GRM8: variants seen among roughly 807,000 people sequenced by gnomAD.
GRM8 encodes glutamate metabotropic receptor 8, also known as metabotropic glutamate receptor 8.
A neutral mutation model predicts 87.2 loss-of-function variants in GRM8; 47 were observed. The ratio of observed to expected loss-of-function variants is 0.54; its 90% CI spans 0.43 to 0.69. GRM8 has a LOEUF of 0.69. Ranked by LOEUF, GRM8 falls within the 30% of genes least tolerant of loss-of-function variation. The probability of loss-of-function intolerance (pLI) is 0.00; values close to 1 mark genes in which losing one functional copy is unlikely to be tolerated. For missense variants in GRM8, 1,019 were observed against 1,139.2 expected, an observed-to-expected ratio of 0.89 and a Z score of 1.52; for synonymous variants, 396 against 404.5, an observed-to-expected ratio of 0.98 and a Z score of 0.25.
chr7:127,211,833 A>ATTT (rs1796227902), intron 2 of GRM8, among the ~76,000 whole-genome samples: 1 of 152,174 alleles, frequency 6.6e-6, no homozygotes, highest in Non-Finnish European at 1.5e-5. Context: ...CTGAGAAATA[A>ATTT]TTTTCTATCA....
intron 6 of GRM8, among the ~76,000 whole-genome samples, chr7:126,851,000 G>A (rs1797161049): frequency 6.6e-6 from 1 of 151,974 alleles, no homozygotes; most frequent in South Asian, 2.1e-4. Flanking sequence ...GCCATGAATG[G>A]CCATGACAGC....
intron 3 of GRM8, among the ~76,000 whole-genome samples, chr7:127,016,236 A>G (rs1457633633): frequency 6.6e-6 from 1 of 152,064 alleles, no homozygotes; most frequent in African/African-American, 2.4e-5. Context: ...GTGGTCTCTG[A>G]TCTCCTTTTT....
intron 6 of GRM8, among the ~76,000 whole-genome samples, chr7:126,849,462 A>C (rs574027722): frequency 4.6e-5 from 7 of 152,162 alleles, no homozygotes; most frequent in Admixed American, 1.3e-4. Context: ...CATCTCCTAC[A>C]TTTCCTATTA....
intron 2 of GRM8, among the ~76,000 whole-genome samples, chr7:127,189,971 G>C (rs1182172313): frequency 1.3e-5 from 2 of 152,218 alleles, no homozygotes; most frequent in African/African-American, 2.4e-5. Flanking sequence ...AACCTCAGTA[G>C]CATTCAGCAA....
intron 3 of GRM8, among the ~76,000 whole-genome samples, chr7:127,048,026 C>A (rs1211841092): frequency 1.3e-5 from 2 of 152,012 alleles, no homozygotes; most frequent in African/African-American, 4.8e-5. Context: ...TTCTAGGTGT[C>A]TGAAATATAA....
intron 3 of GRM8, among the ~76,000 whole-genome samples, chr7:126,933,849 C>T (rs1408550982): frequency 6.6e-6 from 1 of 152,180 alleles, no homozygotes; most frequent in Non-Finnish European, 1.5e-5. Context: ...TCTCTATCAC[C>T]TCTCTGGGAC....
intron 6 of GRM8, among the ~76,000 whole-genome samples, chr7:126,865,843 G>A (rs577900513): frequency 1.2e-4 from 18 of 152,162 alleles, no homozygotes; most frequent in Middle Eastern, 6.8e-3. Context: ...ATGGATATTC[G>A]ACTTGTTTCC....
rs544072725 is a variant in GRM8 at position 127,115,190 on chromosome 7, C to A, written c.511-8478G>T. Among the ~76,000 whole-genome samples, 3 of 152,284 alleles carry A rather than the reference C, an allele frequency of 2.0e-5. No individual in the cohort carries two copies. The South Asian group carries it at 6.2e-4, about 32-fold the overall frequency. On this transcript the variant is annotated intron_variant, in intron 2 of 10. Transcript: ENST00000339582. The stretch of plus-strand genomic sequence containing the variant: ...GAAGCCAGAGAGCAAGAGAACTTGA[C>A]TTTGCCTGCACAAAGGAACCTTCCA...
intron 3 of GRM8, among the ~76,000 whole-genome samples, chr7:126,913,482 T>C (rs1803531123): frequency 6.6e-6 from 1 of 152,210 alleles, no homozygotes; most frequent in African/African-American, 2.4e-5. Flanking sequence ...TTTGATCTAA[T>C]AAAAATGTGA....
intron 3 of GRM8, among the ~76,000 whole-genome samples, chr7:127,087,514 T>G (rs1024221414): frequency 2.6e-5 from 4 of 152,154 alleles, no homozygotes; most frequent in African/African-American, 9.7e-5. Flanking sequence ...AGACAAGTAC[T>G]GCAAGACTCC....
intron 2 of GRM8, among the ~76,000 whole-genome samples, chr7:127,209,096 C>T (rs1362156395): frequency 6.6e-6 from 1 of 152,182 alleles, no homozygotes; most frequent in African/African-American, 2.4e-5. Flanking sequence ...AGCTGAGGGA[C>T]TTACTGTGTT....
chr7:126,474,046 T>G (rs1404021030), intron 9 of GRM8, among the ~76,000 whole-genome samples: 2 of 152,158 alleles, frequency 1.3e-5, no homozygotes, highest in African/African-American at 4.8e-5. Flanking sequence ...AATGTATCAT[T>G]TTTATATTCG....
At chr7:127,100,862 C>T (rs1825174478) in intron 3 of GRM8, among the ~76,000 whole-genome samples, 2 of 152,126 alleles carry the variant, frequency 1.3e-5, no homozygotes, top group African/African-American at 2.4e-5. Flanking sequence ...AAAGCTTCTC[C>T]CCATGAGTCC....
Position 127,216,649 on chromosome 7 carries a change from C to T in GRM8, c.510+26046G>A, listed in dbSNP as rs561529878. Among the ~76,000 whole-genome samples, 6 of 151,814 alleles carry T rather than the reference C, an allele frequency of 4.0e-5. No individual in the cohort carries two copies. The South Asian group carries it at 1.3e-3, about 32-fold the overall frequency. ...AAGCACCTCTAATAGCTTCCCATTACTCCCAGGTTGTAATCCAAACTCTGT... is the reference window on the plus strand; with the variant it reads ...AAGCACCTCTAATAGCTTCCCATTATTCCCAGGTTGTAATCCAAACTCTGT... On this transcript the variant is annotated intron_variant, in intron 2 of 10. Coordinates refer to ENST00000339582, the MANE Select transcript of GRM8 (RefSeq NM_000845.3).
chr7:126,489,503 G>A (rs1228685995), intron 9 of GRM8, among the ~76,000 whole-genome samples: 1 of 152,040 alleles, frequency 6.6e-6, no homozygotes, highest in African/African-American at 2.4e-5. Flanking sequence ...ATAAAGCAAA[G>A]ACGCCTTATT....
chr7:126,477,577 A>AAGAG (rs1250709744), intron 9 of GRM8, among the ~76,000 whole-genome samples: 1 of 77,664 alleles, frequency 1.3e-5, no homozygotes, highest in African/African-American at 5.6e-5. Context: ...GAAAGAAAGA[A>AAGAG]AGAGAGAAAG....
chr7:127,234,481 C>T (rs1381981492), intron 2 of GRM8, among the ~76,000 whole-genome samples: 7 of 152,152 alleles, frequency 4.6e-5, no homozygotes, highest in Admixed American at 4.6e-4. Flanking sequence ...AACAGAAATC[C>T]AACCAGGTGT....
At chr7:126,968,702 G>T (rs971663917) in intron 3 of GRM8, among the ~76,000 whole-genome samples, 4 of 152,124 alleles carry the variant, frequency 2.6e-5, no homozygotes, top group African/African-American at 9.7e-5. Context: ...GCTCAATGCT[G>T]ATAAGCTTTA....
chr7:126,994,903 C>T (rs1009926653), intron 3 of GRM8, among the ~76,000 whole-genome samples: 5 of 151,940 alleles, frequency 3.3e-5, no homozygotes, highest in African/African-American at 9.7e-5. Flanking sequence ...GAATATAGGT[C>T]GTAGTCAGGT....
Sources: gnomAD v4.1 joint callset for allele counts (sites outside exome capture counted in the v4.1 genomes callset) on GRCh38, gnomAD v4.1.1 for gene constraint, MANE v1.5 for transcripts, NCBI Gene and HGNC (gene_info 2026-07-23, HGNC 2026-07-21) for gene names.